Variants in AGBL1 observed in about 807,000 individuals in gnomAD.
The protein encoded by AGBL1 is cytosolic carboxypeptidase 4.
AGBL1 carries 130 observed loss-of-function variants against 118.9 expected under a neutral mutation model. The observed-to-expected ratio is 1.09, with a 90% CI of 0.95 to 1.26. AGBL1 has a LOEUF of 1.26. Among genes scored for constraint, AGBL1 ranks in the 50% most tolerant of loss-of-function variants. The probability of loss-of-function intolerance (pLI) is 0.00; values close to 1 mark genes in which losing one functional copy is unlikely to be tolerated. For synonymous variants in AGBL1, 555 were observed against 478.9 expected, an observed-to-expected ratio of 1.16 and a Z score of -2.08; for missense variants, 1,584 against 1,298.1, an observed-to-expected ratio of 1.22 and a Z score of -3.38.
intron 17 of AGBL1, among the ~76,000 whole-genome samples, chr15:86,357,641 T>C (rs1481953805): frequency 3.3e-5 from 5 of 152,172 alleles, no homozygotes; most frequent in African/African-American, 1.2e-4. Flanking sequence ...TAAAGTTATC[T>C]ACTTCCCTCC....
At chr15:86,127,936 C>G (rs1018601547) in intron 1 of AGBL1, among the ~76,000 whole-genome samples, 2 of 152,122 alleles carry the variant, frequency 1.3e-5, no homozygotes, top group Non-Finnish European at 2.9e-5. Context: ...CCCTGCCCAT[C>G]AATTAAGAAT....
intron 17 of AGBL1, among the ~76,000 whole-genome samples, chr15:86,358,778 C>T (rs1173275114): frequency 6.6e-6 from 1 of 151,904 alleles, no homozygotes; most frequent in Non-Finnish European, 1.5e-5. Context: ...ATTATTGACG[C>T]TGAGCATCTT....
At chr15:86,105,748 A>G (rs967351717) in intron 1 of AGBL1, among the ~76,000 whole-genome samples, 4 of 152,228 alleles carry the variant, frequency 2.6e-5, no homozygotes, top group African/African-American at 9.6e-5. Context: ...GATTACACAA[A>G]TAAGTGTCTT....
chr15:86,973,030 T>G (rs1309992908), intron 23 of AGBL1, among the ~76,000 whole-genome samples: 1 of 152,022 alleles, frequency 6.6e-6, no homozygotes, highest in Non-Finnish European at 1.5e-5. Context: ...ACTTTCTGGT[T>G]GTGTGACCTT....
rs1433844308 is a variant in AGBL1 at position 86,193,137 on chromosome 15, T to C, written c.489-31777T>C. Among the ~76,000 whole-genome samples the C allele has an allele frequency of 2.0e-5, 3 of 152,208 alleles. No individual in the cohort carries two copies. In the East Asian group the frequency reaches 5.8e-4, roughly 29 times the overall value. The stretch of plus-strand genomic sequence containing the variant: ...CTGTGATGGGTGTCAAAAGAATCTT[T>C]GGGAACCCTCTTCACCCCAGATGGG... On this transcript the variant is annotated intron_variant, in intron 5 of 22. Transcript: ENST00000614907.
intron 18 of AGBL1, among the ~76,000 whole-genome samples, chr15:86,487,905 C>T (rs2082732562): frequency 6.6e-6 from 1 of 152,062 alleles, no homozygotes; most frequent in Non-Finnish European, 1.5e-5. Flanking sequence ...GCAGGGCATG[C>T]CTGTTTTATA....
At chr15:86,448,009 G>A (rs1161394107) in intron 18 of AGBL1, among the ~76,000 whole-genome samples, 3 of 152,038 alleles carry the variant, frequency 2.0e-5, no homozygotes, top group Non-Finnish European at 1.5e-5. Context: ...GCCGGGGGTG[G>A]TGGCACGGGC....
At chr15:86,856,099 G>C (rs1340001322) in intron 22 of AGBL1, among the ~76,000 whole-genome samples, 1 of 152,182 alleles carries the variant, frequency 6.6e-6, no homozygotes, top group African/African-American at 2.4e-5. Context: ...GCTCTGACTT[G>C]ACATTTCCGC....
At chr15:86,186,595 G>C (rs1210123809) in intron 5 of AGBL1, among the ~76,000 whole-genome samples, 1 of 152,142 alleles carries the variant, frequency 6.6e-6, no homozygotes, top group Non-Finnish European at 1.5e-5. Context: ...CTTGCTATGG[G>C]AGTGCTGTTT....
rs563700267 is a variant in AGBL1 at position 86,790,272 on chromosome 15, A to G, written c.3158+115836A>G. The stretch of plus-strand genomic sequence containing the variant: ...TGGGTAACATTATCAACCTGAGGAA[A>G]GGAACTTGTGTGGCATATTAACTTC... On this transcript the variant is annotated intron_variant, in intron 22 of 22. Transcript: ENST00000614907. 3.3e-5 allele frequency among the ~76,000 whole-genome samples: 5 copies of G among 152,242 alleles called. No individual in the cohort carries two copies. The East Asian group carries it at 9.7e-4, about 29-fold the overall frequency.
intron 5 of AGBL1, 39 bp downstream of exon 5, chr15:86,159,065 C>T: frequency 3.2e-6 from 5 of 1,570,508 alleles, no homozygotes; most frequent in Non-Finnish European, 4.4e-6. Context: ...CCTTTTGTAA[C>T]AGATGGAGAG....
chr15:86,519,592 T>A lies in AGBL1; in HGVS notation c.2556-3218T>A, dbSNP rs114130476. On this transcript the variant is annotated intron_variant, in intron 18 of 22. Transcript: ENST00000614907. ...GGAAAAGCACTCAAGTTAGGTGTTG[T>A]ACATATTATAATAACCTGCATTTGC... is the stretch of plus-strand genomic sequence containing the variant. 6.2e-3 allele frequency among the ~76,000 whole-genome samples: 946 copies of A among 152,302 alleles called. 14 individuals are homozygous for A. Among genetic ancestry groups the A allele is most frequent in the African/African-American group, 0.021 (866 of 41,554 alleles).
intron 22 of AGBL1, among the ~76,000 whole-genome samples, chr15:86,868,099 G>A (rs1399133777): frequency 6.6e-6 from 1 of 152,136 alleles, no homozygotes; most frequent in Non-Finnish European, 1.5e-5. Context: ...GTCTGTGAGA[G>A]GTCAGGATGT....
At chr15:87,029,307 T>C (rs1239204061), downstream of AGBL1, among the ~76,000 whole-genome samples, 1 of 151,878 alleles carries the variant, frequency 6.6e-6, no homozygotes, top group African/African-American at 2.4e-5. Flanking sequence ...AAACAACTCA[T>C]TTATCCAGGG....
intron 22 of AGBL1, among the ~76,000 whole-genome samples, chr15:86,747,552 A>G (rs1004684792): frequency 6.6e-6 from 1 of 152,170 alleles, no homozygotes; most frequent in African/African-American, 2.4e-5. Context: ...ATATGTATAC[A>G]TGTGCCATGT....
chr15:86,873,976 A>G (rs988347523), intron 22 of AGBL1, among the ~76,000 whole-genome samples: 4 of 152,172 alleles, frequency 2.6e-5, no homozygotes, highest in Non-Finnish European at 5.9e-5. Flanking sequence ...TGGCTCTATT[A>G]CCTATTAAGC....
chr15:86,663,773 A>G (rs2085589992), intron 21 of AGBL1, among the ~76,000 whole-genome samples: 1 of 152,160 alleles, frequency 6.6e-6, no homozygotes, highest in African/African-American at 2.4e-5. Context: ...GGACAATTTA[A>G]TAGAGTCAGG....
rs1470295385 is a variant in AGBL1, at chr15:86,470,517, T to A, written c.2556-52293T>A. On this transcript the variant is annotated intron_variant, in intron 18 of 22. Coordinates refer to ENST00000614907, the MANE Select transcript of AGBL1 (RefSeq NM_001386094.1). ...TTATGCTCAAGATTGTTTTGACCAG[T>A]CAGTGTCTTTTGTGGTTCCATATGT... is the stretch of plus-strand genomic sequence containing the variant. Among the ~76,000 whole-genome samples the A allele has an allele frequency of 2.0e-5, 3 of 152,184 alleles. No individual in the cohort carries two copies. The East Asian group carries it at 5.8e-4, about 29-fold the overall frequency.
intron 19 of AGBL1, among the ~76,000 whole-genome samples, chr15:86,527,706 C>A (rs1459230909): frequency 6.6e-6 from 1 of 152,132 alleles, no homozygotes; most frequent in Admixed American, 6.5e-5. Flanking sequence ...TAGGAAGATC[C>A]ACCGGTTCTA....
Sources: allele counts gnomAD v4.1 joint callset (sites outside exome capture counted in the v4.1 genomes callset), GRCh38; gene constraint gnomAD v4.1.1; transcripts MANE v1.5; gene names NCBI Gene and HGNC (gene_info 2026-07-23, HGNC 2026-07-21).